The following SCARA5 variants were observed in gnomAD, a reference collection of about 807,000 sequenced individuals.
The protein encoded by SCARA5 is scavenger receptor class A member 5, also known as scavenger receptor class A, member 5 (putative).
In SCARA5, 45 loss-of-function variants were observed where a neutral mutation model predicts 46.3. That is an observed-to-expected ratio of 0.97 (90% CI 0.76 to 1.24). The LOEUF is 1.24. SCARA5 is among the 50% of genes most tolerant of loss of function. The pLI, the probability that SCARA5 is intolerant of heterozygous loss-of-function variation, is 0.00. For synonymous variants in SCARA5, 333 were observed against 306.5 expected, an observed-to-expected ratio of 1.09 and a Z score of -0.90; for missense variants, 680 against 689.0, an observed-to-expected ratio of 0.99 and a Z score of 0.15.
chr8:27,991,555 C>T (rs1215131324), intron 1 of SCARA5, among the ~76,000 whole-genome samples: 3 of 152,174 alleles, frequency 2.0e-5, no homozygotes, highest in Non-Finnish European at 4.4e-5. Context: ...GCACGAGCCT[C>T]ATTTGCTGCT....
intron 3 of SCARA5, among the ~76,000 whole-genome samples, chr8:27,954,687 A>G (rs568617556): frequency 6.6e-6 from 1 of 152,126 alleles, no homozygotes; most frequent in Non-Finnish European, 1.5e-5. Context: ...CTTTGTACTC[A>G]TTTCCTGGAG....
At chr8:27,928,786 C>T (rs1207248923) in intron 3 of SCARA5, among the ~76,000 whole-genome samples, 1 of 152,116 alleles carries the variant, frequency 6.6e-6, no homozygotes, top group East Asian at 1.9e-4. Flanking sequence ...CTACCTCAGC[C>T]TCCTGAGTAG....
intron 3 of SCARA5, among the ~76,000 whole-genome samples, chr8:27,959,388 C>T (rs900075259): frequency 2.6e-5 from 4 of 152,176 alleles, no homozygotes; most frequent in African/African-American, 4.8e-5. Flanking sequence ...GGGAGGATGG[C>T]TATTCTGTTG....
At chr8:27,895,544 A>G (rs6985401) in intron 7 of SCARA5, among the ~76,000 whole-genome samples, 12,912 of 152,260 alleles carry the variant, frequency 0.085, 921 homozygotes, top group East Asian at 0.24. Context: ...AGCAGTTCTC[A>G]TGGGGTCTTT....
Position 27,921,664 on chromosome 8 carries a change from G to A in SCARA5, c.823C>T (p.Gln275Ter). 6.2e-7 allele frequency: 1 copy of A among 1,609,068 alleles called. No individual in the cohort carries two copies. The highest frequency in any genetic ancestry group is 8.5e-7 in the Non-Finnish European group (1 of 1,177,696). The change falls in exon 4 of 9, where the codon CAG (glutamine) becomes TAG (stop). Residue 275 changes from glutamine to a stop codon, truncating the protein, a stop_gained. Transcript: ENST00000354914. LOFTEE classifies it high-confidence loss of function. Reference protein sequence around the residue: ...AHVGMELQLKQELAMLNAVTE... With the variant: ...AHVGMELQLK ...ACCGCGTTGAGCATGGCCAGCTCCT[G>A]CTTCAGCTGCAGCTCCATGCCTACG... is the stretch of plus-strand genomic sequence containing the variant.
chr8:27,894,962 A>AT (rs1308876688), intron 7 of SCARA5, among the ~76,000 whole-genome samples: 1 of 152,140 alleles, frequency 6.6e-6, no homozygotes, highest in Non-Finnish European at 1.5e-5. Context: ...TGGTCACTAA[A>AT]TACCCCAAAA....
At chr8:27,905,598 T>C (rs1309095949) in intron 6 of SCARA5, among the ~76,000 whole-genome samples, 2 of 145,302 alleles carry the variant, frequency 1.4e-5, no homozygotes, top group Admixed American at 7.3e-5. Context: ...CAGGGTGTGC[T>C]CCAAAGCATT....
At chr8:27,875,252 C>T (rs1806705040) in intron 8 of SCARA5, among the ~76,000 whole-genome samples, 1 of 150,262 alleles carries the variant, frequency 6.7e-6, no homozygotes, top group Admixed American at 6.6e-5. Context: ...CCTACTTTCC[C>T]TCCCTCCTTC....
intron 2 of SCARA5, among the ~76,000 whole-genome samples, chr8:27,985,902 G>T (rs1232318753): frequency 6.6e-6 from 1 of 152,218 alleles, no homozygotes; most frequent in Non-Finnish European, 1.5e-5. Flanking sequence ...CAGTCGTTCT[G>T]GTCCAAATGA....
Position 27,922,058 on chromosome 8 carries a change from C to T in SCARA5, c.429G>A (p.Ala143=), listed in dbSNP as rs746922355. 5.9e-5 allele frequency: 94 copies of T among 1,587,950 alleles called. No homozygotes were observed. Among genetic ancestry groups the T allele is most frequent in the Non-Finnish European group, 7.8e-5 (91 of 1,170,748 alleles). Residue 143 remains alanine (A), a synonymous_variant, in exon 4 of 9, where the codon GCG becomes GCA. Transcript: ENST00000354914. ...CGCCCTCCAGCCGCTGCACTGCGCC[C>T]GCCAGCGCCAGCAACGAGTCTGACT... ...QNQSDSLLAL[A]GAVQRLEGAL... is the part of the protein sequence containing the mutation.
chr8:27,983,756 A>T (rs1252554774), intron 2 of SCARA5, among the ~76,000 whole-genome samples: 1 of 152,206 alleles, frequency 6.6e-6, no homozygotes, highest in Non-Finnish European at 1.5e-5. Flanking sequence ...CACACCCAGC[A>T]GGAACACTGG....
At chr8:27,962,715 C>G (rs1280259701) in intron 3 of SCARA5, among the ~76,000 whole-genome samples, 1 of 152,238 alleles carries the variant, frequency 6.6e-6, no homozygotes, top group African/African-American at 2.4e-5. Flanking sequence ...CCATTCCAGC[C>G]CTCAGAGATT....
At chr8:27,927,948 C>T (rs1209660579) in intron 3 of SCARA5, among the ~76,000 whole-genome samples, 3 of 152,146 alleles carry the variant, frequency 2.0e-5, no homozygotes, top group Admixed American at 6.5e-5. Flanking sequence ...ATTTTAGAAG[C>T]GGCCTTTTCA....
At chr8:27,890,019 T>C (rs779054714) in intron 7 of SCARA5, among the ~76,000 whole-genome samples, 8 of 152,228 alleles carry the variant, frequency 5.3e-5, no homozygotes, top group Non-Finnish European at 1.2e-4. Context: ...TTTGCAGGTA[T>C]GGAATTACTA....
At chr8:27,965,259 T>A (rs1808351891) in intron 3 of SCARA5, among the ~76,000 whole-genome samples, 1 of 152,006 alleles carries the variant, frequency 6.6e-6, no homozygotes, top group Admixed American at 6.5e-5. Flanking sequence ...ACCGGGGAGG[T>A]CCTGGCCATT....
In SCARA5 at chr8:27,977,235, A is replaced by G. The variant is rs569824606; in HGVS notation, c.112+10269T>C. Among the ~76,000 whole-genome samples the G allele has an allele frequency of 5.9e-5, 9 of 152,202 alleles. No homozygotes were observed. In the South Asian group the frequency reaches 1.7e-3, roughly 28 times the overall value. On this transcript the variant is annotated intron_variant, in intron 2 of 8. Transcript: ENST00000354914. ...AGAGGCCCCACCTCCTAGTCCCATC[A>G]CTTTGGGCATTAGGATTTCAACATA...
At chr8:27,898,775 G>T (rs1485951706) in intron 7 of SCARA5, among the ~76,000 whole-genome samples, 1 of 152,216 alleles carries the variant, frequency 6.6e-6, no homozygotes, top group African/African-American at 2.4e-5. Flanking sequence ...CCACTTGGAA[G>T]TGGAGAGGGG....
In SCARA5 at chr8:27,879,595, ACCT is replaced by A; in HGVS notation, c.1322_1324del (p.Glu441del). 6.2e-7 allele frequency: 1 copy of A among 1,609,166 alleles called. No homozygotes were observed. Among genetic ancestry groups the A allele is most frequent in the East Asian group, 2.2e-5 (1 of 44,856 alleles). ...TTGCCCGAATCGAGCTGTGCGGTAC[ACCT>A]CCTCCACACCGCGGAAGCCGAGCAT... On this transcript the variant is annotated inframe_deletion, in exon 8 of 9. Transcript: ENST00000354914.
chr8:27,888,907 T>C (rs1806938850), intron 7 of SCARA5, among the ~76,000 whole-genome samples: 1 of 152,220 alleles, frequency 6.6e-6, no homozygotes, highest in Admixed American at 6.5e-5. Flanking sequence ...GCCTCCTTGC[T>C]GTCTCCCAGA....
Sources: gnomAD v4.1 joint callset for allele counts (sites outside exome capture counted in the v4.1 genomes callset) on GRCh38, gnomAD v4.1.1 for gene constraint, MANE v1.5 for transcripts, NCBI Gene and HGNC (gene_info 2026-07-23, HGNC 2026-07-21) for gene names.